The following UGT1A9 variants were observed in gnomAD, a reference collection of about 807,000 sequenced individuals.
UGT1A9 encodes UDP-glucuronosyltransferase 1A9.
Under a neutral mutation model 45.0 loss-of-function variants are expected in UGT1A9, and 35 were observed. The observed-to-expected ratio is 0.78, with a 90% confidence interval of 0.59 to 1.03. UGT1A9 has a LOEUF of 1.03. Among genes scored for constraint, UGT1A9 ranks in the 50% least tolerant of loss-of-function variants. The pLI is 0.00. For synonymous variants in UGT1A9, 278 were observed against 250.6 expected, an observed-to-expected ratio of 1.11 and a Z score of -1.03; for missense variants, 687 against 666.6, an observed-to-expected ratio of 1.03 and a Z score of -0.34.
chr2:233,699,153 C>A (rs901306895), intron 1 of UGT1A9, among the ~76,000 whole-genome samples: 7 of 152,196 alleles, frequency 4.6e-5, no homozygotes, highest in Non-Finnish European at 1.0e-4. Flanking sequence ...TGCCTTGCAA[C>A]CTTTCTGTCT....
intron 1 of UGT1A9, chr2:233,691,735 C>A: frequency 1.4e-6 from 1 of 734,098 alleles, no homozygotes; most frequent in African/African-American, 1.9e-5. Flanking sequence ...GGGCCAGAAG[C>A]AGATACCAGG....
intron 1 of UGT1A9, among the ~76,000 whole-genome samples, chr2:233,710,138 A>G (rs1223518956): frequency 6.6e-6 from 1 of 152,228 alleles, no homozygotes; most frequent in Non-Finnish European, 1.5e-5. Context: ...ATTTCATTGT[A>G]TAGATATATC....
At chr2:233,719,118 T>G (rs1175236836) in intron 1 of UGT1A9, 4 of 1,614,062 alleles carry the variant, frequency 2.5e-6, no homozygotes, top group Non-Finnish European at 2.5e-6. Context: ...CACTCAAGGG[T>G]TCTTTGAAAC....
At chr2:233,760,823 T>G in intron 1 of UGT1A9, 1 of 1,613,528 alleles carries the variant, frequency 6.2e-7, no homozygotes, top group Non-Finnish European at 8.5e-7. Context: ...CCATGCAGCC[T>G]GGAATTTGAG....
Position 233,767,174 on chromosome 2 carries a change from A to G in UGT1A9, c.987+9A>G. 1.2e-6 allele frequency: 2 copies of G among 1,614,054 alleles called. No homozygotes were observed. Among genetic ancestry groups the G allele is most frequent in the Non-Finnish European group, 1.7e-6 (2 of 1,180,004 alleles). ...GCAAAATCCCTCAGACAGTAAGAAG[A>G]TTCTATACCATGGCCTCATATCTAT... is the stretch of plus-strand genomic sequence containing the variant. On this transcript the variant is annotated intron_variant, in intron 2 of 4. Transcript: ENST00000354728.
intron 1 of UGT1A9, among the ~76,000 whole-genome samples, chr2:233,748,871 G>A (rs1439013136): frequency 2.0e-5 from 3 of 151,510 alleles, no homozygotes; most frequent in Admixed American, 6.6e-5. Flanking sequence ...AGCTGGGGAC[G>A]GTGATGAATG....
At chr2:233,745,418 GATAA>G (rs1158575048) in intron 1 of UGT1A9, among the ~76,000 whole-genome samples, 1 of 151,578 alleles carries the variant, frequency 6.6e-6, no homozygotes, top group Non-Finnish European at 1.5e-5. Context: ...TCTTTTCTTT[GATAA>G]ATTGTGAGGC....
chr2:233,748,696 G>A (rs1384133711), intron 1 of UGT1A9, among the ~76,000 whole-genome samples: 1 of 151,680 alleles, frequency 6.6e-6, no homozygotes, highest in Non-Finnish European at 1.5e-5. Context: ...GATTTTTCTG[G>A]TCAGGATTTG....
chr2:233,736,824 CTT>C (rs2078816334), intron 1 of UGT1A9, among the ~76,000 whole-genome samples: 1 of 152,316 alleles, frequency 6.6e-6, no homozygotes, highest in South Asian at 2.1e-4. Context: ...TCCAGATGCT[CTT>C]TGCTTTGGTA....
In UGT1A9 at chr2:233,773,093, G is replaced by A; in HGVS notation, c.*534G>A. 6.2e-6 allele frequency: 1 copy of A among 160,484 alleles called. No homozygotes were observed. Among genetic ancestry groups the A allele is most frequent in the East Asian group, 1.7e-4 (1 of 5,844 alleles). The allele number at this position is 160,484 out of a possible 1,614,324, so 9.9% of individuals were successfully genotyped here. A position where few individuals can be genotyped will look rare whatever the true frequency, so the allele number is the denominator to read the frequency against. Reference sequence around the variant, plus strand: ...GAATGAATGGCTTGGAGTGCACTGAGAACAGCATATGATTTCTTGCTTTGG... The same window carrying A: ...GAATGAATGGCTTGGAGTGCACTGAAAACAGCATATGATTTCTTGCTTTGG... On this transcript the variant is annotated 3_prime_UTR_variant, in exon 5 of 5. Transcript: ENST00000354728.
chr2:233,716,338 G>C (rs561710355), intron 1 of UGT1A9, among the ~76,000 whole-genome samples: 1 of 152,144 alleles, frequency 6.6e-6, no homozygotes. Context: ...CCAGGTTTGC[G>C]CAACTACAAT....
At chr2:233,760,762 A>G in intron 1 of UGT1A9, 9 of 1,614,056 alleles carry the variant, frequency 5.6e-6, no homozygotes, top group Non-Finnish European at 7.6e-6. Flanking sequence ...TTGCAGCCCC[A>G]TCGTGGCCCA....
chr2:233,748,973 C>T (rs1032988654), intron 1 of UGT1A9, among the ~76,000 whole-genome samples: 3 of 151,678 alleles, frequency 2.0e-5, no homozygotes, highest in African/African-American at 7.3e-5. Flanking sequence ...ATAGTGGGAT[C>T]TACTTCTTTA....
chr2:233,718,616 CG>C, intron 1 of UGT1A9: 22 of 858,724 alleles, frequency 2.6e-5, no homozygotes, highest in Non-Finnish European at 2.9e-5. Flanking sequence ...TCAAGATAGG[CG>C]TGATTGGTCT....
intron 1 of UGT1A9, among the ~76,000 whole-genome samples, chr2:233,757,319 C>T (rs999230342): frequency 1.7e-4 from 25 of 147,060 alleles, no homozygotes; most frequent in Non-Finnish European, 3.3e-4. Flanking sequence ...GGGGCTGGGG[C>T]CCTGAAATGG....
intron 1 of UGT1A9, among the ~76,000 whole-genome samples, chr2:233,716,316 T>C (rs1429812588): frequency 1.3e-5 from 2 of 152,236 alleles, no homozygotes; most frequent in Non-Finnish European, 2.9e-5. Context: ...CCACCTGTAA[T>C]GGAATATATT....
intron 1 of UGT1A9, among the ~76,000 whole-genome samples, chr2:233,685,011 G>A (rs1056459457): frequency 6.6e-5 from 10 of 152,158 alleles, no homozygotes; most frequent in African/African-American, 9.7e-5. Flanking sequence ...GTTTGTGCAC[G>A]TATGTGTCTG....
intron 1 of UGT1A9, chr2:233,690,896 T>G: frequency 1.9e-6 from 2 of 1,035,856 alleles, no homozygotes; most frequent in African/African-American, 1.7e-5. Context: ...AGGGATGGTA[T>G]GCATAGTGAT....
chr2:233,707,693 G>A lies in UGT1A9; in HGVS notation c.855+34904G>A, dbSNP rs369613240. 2.2e-3 allele frequency among the ~76,000 whole-genome samples: 337 copies of A among 152,208 alleles called. 2 individuals are homozygous for A. The highest frequency in any genetic ancestry group is 3.8e-3 in the Non-Finnish European group (256 of 68,004). On this transcript the variant is annotated intron_variant, in intron 1 of 4. Transcript: ENST00000354728. ...TTCTACTGTTGATGGGCTTTGGGTT[G>A]TATCTAGCTTTTCACTACTGTGAAC...
Sources: allele counts gnomAD v4.1 joint callset (sites outside exome capture counted in the v4.1 genomes callset), GRCh38; gene constraint gnomAD v4.1.1; transcripts MANE v1.5; gene names NCBI Gene and HGNC (gene_info 2026-07-23, HGNC 2026-07-21).